Variants in PCLO observed in about 807,000 individuals in gnomAD.
PCLO encodes protein piccolo.
Under a neutral mutation model 427.5 loss-of-function variants are expected in PCLO, and 82 were observed. That is an observed-to-expected ratio of 0.19 (90% CI 0.16 to 0.23). The LOEUF (loss-of-function observed/expected upper bound fraction) is 0.23. Among genes scored for constraint, PCLO ranks in the 10% least tolerant of loss-of-function variants. PCLO has a pLI of 1.00. For synonymous variants in PCLO, 2,357 were observed against 2,155.4 expected (o/e 1.09, Z -2.59); for missense variants, 6,239 against 6,115.9 (o/e 1.02, Z -0.67).
intron 20 of PCLO, among the ~76,000 whole-genome samples, chr7:82,809,992 A>G (rs1791535626): frequency 6.6e-6 from 1 of 151,714 alleles, no homozygotes; most frequent in African/African-American, 2.4e-5. Context: ...TATTACATAT[A>G]TATTTAAAAT....
Position 82,768,057 on chromosome 7 carries a change from A to G in PCLO, c.15008-6564T>C, listed in dbSNP as rs1583952622. On this transcript the variant is annotated intron_variant, in intron 22 of 24. Transcript: ENST00000333891. ...AGATGAAATCCAGACAATTAATAAAATAAGAAAGTGGAAGAGAACTAATTT... is the reference window on the plus strand; with the variant it reads ...AGATGAAATCCAGACAATTAATAAAGTAAGAAAGTGGAAGAGAACTAATTT... Among the ~76,000 whole-genome samples the G allele has an allele frequency of 2.0e-5, 3 of 152,140 alleles. No homozygotes were observed. In the South Asian group the frequency reaches 6.2e-4, roughly 31 times the overall value.
chr7:83,086,552 C>A (rs1399392002), intron 3 of PCLO, among the ~76,000 whole-genome samples: 9 of 151,854 alleles, frequency 5.9e-5, no homozygotes, highest in Admixed American at 5.9e-4. Flanking sequence ...ATTTAAATGG[C>A]AAACAACCCA....
In PCLO at chr7:83,054,226, T is replaced by G. The variant is rs556030020; in HGVS notation, c.3300+80024A>C. Among the ~76,000 whole-genome samples, 20 of 152,140 alleles carry G rather than the reference T, an allele frequency of 1.3e-4. 1 individual carries two copies. In the South Asian group the frequency reaches 4.1e-3, roughly 32 times the overall value. Reference sequence around the variant, plus strand: ...AAATTCTACCTTTTCTATCAATTCTTAGGAGCTCTCTTATGCAAAAAGAAA... The same window carrying G: ...AAATTCTACCTTTTCTATCAATTCTGAGGAGCTCTCTTATGCAAAAAGAAA... On this transcript the variant is annotated intron_variant, in intron 3 of 24. Transcript: ENST00000333891.
intron 8 of PCLO, among the ~76,000 whole-genome samples, chr7:82,903,409 G>T (rs1183518771): frequency 1.3e-5 from 2 of 151,816 alleles, no homozygotes; most frequent in African/African-American, 4.8e-5. Flanking sequence ...CATTCCTTAG[G>T]GTAGAAGAAG....
intron 10 of PCLO, among the ~76,000 whole-genome samples, chr7:82,852,498 T>C (rs1192844198): frequency 1.3e-5 from 2 of 152,064 alleles, no homozygotes; most frequent in Non-Finnish European, 2.9e-5. Flanking sequence ...CCCTAGAACA[T>C]CAGACTCCAA....
rs1795285617 is a variant in PCLO, at chr7:82,949,670, A to G, written c.10918T>C (p.Phe3640Leu). ...LSPGKALESAFVPYEKPLPDD... is the reference protein window; with the variant it reads ...LSPGKALESALVPYEKPLPDD... ...GGGAGGGGTTTTTCATAAGGTACAA[A>G]GGCTGATTCTAAGGCTTTGCCTGGT... The change falls in exon 6 of 25, where the codon TTT becomes CTT. Residue 3640 changes from phenylalanine to leucine, a missense_variant. Physicochemically the swap from Phe to Leu is conservative, Grantham distance 22. Transcript: ENST00000333891. The G allele has an allele frequency of 6.2e-7, 1 of 1,613,864 alleles. No homozygotes were observed.
intron 22 of PCLO, 50 bp from the exon 23 acceptor site, chr7:82,761,543 A>T: frequency 7.2e-7 from 1 of 1,380,198 alleles, no homozygotes; most frequent in Non-Finnish European, 1.0e-6. Flanking sequence ...CCATATATGA[A>T]ATGTTTAGTT....
chr7:83,100,325 A>T (rs949993485), intron 3 of PCLO, among the ~76,000 whole-genome samples: 1 of 152,178 alleles, frequency 6.6e-6, no homozygotes, highest in Non-Finnish European at 1.5e-5. Flanking sequence ...TACCCCACAA[A>T]ATATAAACCA....
At chr7:82,944,698 C>A (rs1477426812) in intron 6 of PCLO, among the ~76,000 whole-genome samples, 1 of 152,174 alleles carries the variant, frequency 6.6e-6, no homozygotes, top group Non-Finnish European at 1.5e-5. Flanking sequence ...AGAATTATTT[C>A]TACCAACCCA....
intron 9 of PCLO, among the ~76,000 whole-genome samples, chr7:82,889,064 A>C (rs1793696493): frequency 1.3e-5 from 2 of 150,382 alleles, no homozygotes; most frequent in Admixed American, 1.3e-4. Flanking sequence ...GGAACTATTC[A>C]GCGGAGCCAA....
At chr7:82,867,881 TCA>T (rs1003691071) in intron 10 of PCLO, among the ~76,000 whole-genome samples, 1 of 152,184 alleles carries the variant, frequency 6.6e-6, no homozygotes, top group East Asian at 1.9e-4. Context: ...ATGTATCTAA[TCA>T]CTAGTATCGT....
intron 24 of PCLO, 110 bp from the exon 25 acceptor site, chr7:82,758,825 G>A (rs1022636135): frequency 2.7e-4 from 169 of 624,532 alleles, no homozygotes; most frequent in Non-Finnish European, 4.2e-4. Flanking sequence ...GCACGAAAGA[G>A]GGTGACGCTG....
intron 22 of PCLO, among the ~76,000 whole-genome samples, chr7:82,772,540 C>G (rs1221723373): frequency 6.6e-6 from 1 of 151,952 alleles, no homozygotes; most frequent in South Asian, 2.1e-4. Context: ...TTTGAAATAA[C>G]CCAGATTCAA....
At chr7:83,020,578 T>C (rs1048960570) in intron 3 of PCLO, among the ~76,000 whole-genome samples, 3 of 152,154 alleles carry the variant, frequency 2.0e-5, no homozygotes, top group East Asian at 1.9e-4. Context: ...CGTAAGAACA[T>C]AGCAAGAAGG....
At chr7:83,117,600 C>T (rs985675672) in intron 3 of PCLO, among the ~76,000 whole-genome samples, 6 of 152,136 alleles carry the variant, frequency 3.9e-5, no homozygotes, top group Admixed American at 1.3e-4. Context: ...GAGGTGGATT[C>T]TACAAGCTGA....
chr7:82,884,530 A>G (rs1463617228), intron 9 of PCLO, among the ~76,000 whole-genome samples: 1 of 152,156 alleles, frequency 6.6e-6, no homozygotes, highest in African/African-American at 2.4e-5. Flanking sequence ...TGACATAAAG[A>G]TTTTCTTTTT....
chr7:82,976,868 T>C (rs1796028783), intron 3 of PCLO, among the ~76,000 whole-genome samples: 1 of 152,166 alleles, frequency 6.6e-6, no homozygotes, highest in South Asian at 2.1e-4. Flanking sequence ...CAATTATAAT[T>C]GTTTATTTTT....
intron 22 of PCLO, among the ~76,000 whole-genome samples, chr7:82,765,046 T>C (rs1473423225): frequency 6.6e-6 from 1 of 151,834 alleles, no homozygotes; most frequent in African/African-American, 2.4e-5. Context: ...CATTAGTGGG[T>C]TCTATAAAAT....
chr7:83,101,658 T>C lies in PCLO; in HGVS notation c.3300+32592A>G, dbSNP rs538862493. Among the ~76,000 whole-genome samples the C allele has an allele frequency of 7.9e-5, 12 of 152,292 alleles. No homozygotes were observed. In the South Asian group the frequency reaches 1.7e-3, roughly 21 times the overall value. On this transcript the variant is annotated intron_variant, in intron 3 of 24. Coordinates refer to ENST00000333891, the MANE Select transcript of PCLO (RefSeq NM_033026.6). ...AGAATAATTTGAATGGTATGTGTTT[T>C]ACTTTTGGCACAAGAAACTGTGACA...
Sources: allele counts gnomAD v4.1 joint callset (sites outside exome capture counted in the v4.1 genomes callset), GRCh38; gene constraint gnomAD v4.1.1; transcripts MANE v1.5; gene names NCBI Gene and HGNC (gene_info 2026-07-23, HGNC 2026-07-21).